CNTN4: variants seen among roughly 807,000 people sequenced by gnomAD.
CNTN4 encodes contactin 4, also known as contactin-4.
A neutral mutation model predicts 122.5 loss-of-function variants in CNTN4; 77 were observed. That is an observed-to-expected ratio of 0.63 (90% confidence interval 0.52 to 0.76). The LOEUF is 0.76. Among genes scored for constraint, CNTN4 ranks in the 30% least tolerant of loss-of-function variants. The pLI is 0.00. For missense variants in CNTN4, 1,256 were observed against 1,259.1 expected, an observed-to-expected ratio of 1.00 and a Z score of 0.04; for synonymous variants, 512 against 447.0, an observed-to-expected ratio of 1.15 and a Z score of -1.83.
At position 2,989,427 on chromosome 3, in the gene CNTN4, A is replaced by G. The variant is rs140753673; in HGVS notation, c.1486+955A>G. On this transcript the variant is annotated intron_variant, in intron 14 of 24. Transcript: ENST00000418658. Reference sequence around the variant, plus strand: ...ATATCATATTATTTCCTTCTTGCCCATTTGTAGTTCCCTTGGTGAAGACAG... The same window carrying G: ...ATATCATATTATTTCCTTCTTGCCCGTTTGTAGTTCCCTTGGTGAAGACAG... Among the ~76,000 whole-genome samples the G allele has an allele frequency of 7.0e-4, 106 of 152,250 alleles. 1 individual carries two copies. The East Asian group carries it at 0.019, about 28-fold the overall frequency.
intron 4 of CNTN4, among the ~76,000 whole-genome samples, chr3:2,652,439 C>G (rs960858936): frequency 1.3e-5 from 2 of 152,154 alleles, no homozygotes; most frequent in African/African-American, 4.8e-5. Flanking sequence ...ACCTCTCTCC[C>G]AAAATACAGT....
intron 2 of CNTN4, among the ~76,000 whole-genome samples, chr3:2,111,562 G>T (rs2032958338): frequency 6.6e-6 from 1 of 152,068 alleles, no homozygotes; most frequent in Admixed American, 6.5e-5. Flanking sequence ...GTGATGTATA[G>T]GAAAGGCTGG....
intron 4 of CNTN4, among the ~76,000 whole-genome samples, chr3:2,645,430 C>T (rs981543914): frequency 6.6e-6 from 1 of 152,124 alleles, no homozygotes; most frequent in African/African-American, 2.4e-5. Context: ...TTAAGACAAT[C>T]AATTTACATA....
chr3:2,989,026 C>CT (rs896713393), intron 14 of CNTN4: 1 of 154,736 alleles, frequency 6.5e-6, no homozygotes, highest in Non-Finnish European at 1.4e-5. Flanking sequence ...ATACCATAGC[C>CT]TGGGTGCTTT....
rs148616168 is a variant in CNTN4, at chr3:2,664,503, C to A, written c.56-71712C>A. Among the ~76,000 whole-genome samples the A allele has an allele frequency of 6.8e-3, 1,040 of 152,162 alleles. 17 individuals are homozygous for A. The highest frequency in any genetic ancestry group is 0.024 in the African/African-American group (976 of 41,512). On this transcript the variant is annotated intron_variant, in intron 4 of 24. Transcript: ENST00000418658. Reference sequence around the variant, plus strand: ...TGGAGAAGTTTTATATAGTAAATTTCTTTCAATATCAAAATTATCTTGAAG... The same window carrying A: ...TGGAGAAGTTTTATATAGTAAATTTATTTCAATATCAAAATTATCTTGAAG...
At chr3:2,981,458 G>A (rs1457948110) in intron 13 of CNTN4, among the ~76,000 whole-genome samples, 2 of 151,560 alleles carry the variant, frequency 1.3e-5, no homozygotes, top group Non-Finnish European at 2.9e-5. Context: ...AACAAAAAAA[G>A]GAAAACCTTA....
At chr3:2,878,017 T>G (rs1231722211) in intron 8 of CNTN4, among the ~76,000 whole-genome samples, 1 of 152,218 alleles carries the variant, frequency 6.6e-6, no homozygotes, top group Non-Finnish European at 1.5e-5. Flanking sequence ...AAATTGCTTC[T>G]CTTGTTTTTA....
chr3:2,114,509 C>T (rs184133903), intron 2 of CNTN4, among the ~76,000 whole-genome samples: 1 of 152,042 alleles, frequency 6.6e-6, no homozygotes, highest in East Asian at 1.9e-4. Context: ...TGTACAATGG[C>T]CATGGGCTTA....
chr3:2,736,267 G>A lies in CNTN4; in HGVS notation c.108G>A (p.Met36Ile), dbSNP rs767486743. ...PIFIQEPSPV[M>I]FPLDSEEKKV... ...TTATTCAAGAACCAAGTCCTGTAAT[G>A]TTCCCTTTGGATTCTGAGGAGAAAA... The change falls in exon 5 of 25, where the codon ATG (methionine) becomes ATA (isoleucine). Residue 36 changes from methionine to isoleucine, a missense_variant. By Grantham distance (10) the Met-to-Ile change is conservative. Transcript: ENST00000418658. 5 of 1,613,394 alleles carry A rather than the reference G, an allele frequency of 3.1e-6. No individual in the cohort carries two copies. The African/African-American group carries it at 4.0e-5, about 13-fold the overall frequency.
chr3:2,653,831 C>T lies in CNTN4; in HGVS notation c.55+82273C>T, dbSNP rs182115018. On this transcript the variant is annotated intron_variant, in intron 4 of 24. Transcript: ENST00000418658. ...TCTAATTGTTTTGCAGCTTTCTCTT[C>T]TGTTAGGATCAAGTGACCAGTTCGT... 4.2e-4 allele frequency among the ~76,000 whole-genome samples: 64 copies of T among 152,276 alleles called. No homozygotes were observed. The East Asian group carries it at 8.3e-3, about 20-fold the overall frequency.
chr3:2,794,456 C>G (rs757263827), intron 6 of CNTN4, among the ~76,000 whole-genome samples: 37 of 152,086 alleles, frequency 2.4e-4, no homozygotes, highest in Non-Finnish European at 3.8e-4. Context: ...ATAATAAATC[C>G]CTTTTTTTGT....
intron 4 of CNTN4, among the ~76,000 whole-genome samples, chr3:2,733,889 C>A (rs73113347): frequency 2.2e-4 from 34 of 152,054 alleles, no homozygotes; most frequent in Middle Eastern, 3.4e-3. Flanking sequence ...TAAATCTTCT[C>A]TTTTTTGGTT....
chr3:2,330,026 C>T (rs1455480214), intron 2 of CNTN4, among the ~76,000 whole-genome samples: 4 of 152,028 alleles, frequency 2.6e-5, no homozygotes, highest in East Asian at 3.9e-4. Context: ...CACGTGAATG[C>T]CCCCTACTTC....
At chr3:2,729,862 A>G (rs1054347691) in intron 4 of CNTN4, among the ~76,000 whole-genome samples, 50 of 152,102 alleles carry the variant, frequency 3.3e-4, no homozygotes, top group African/African-American at 1.1e-3. Context: ...TGCAGTGAGC[A>G]GAGATCAAGC....
chr3:2,724,251 G>A (rs2088056982), intron 4 of CNTN4, among the ~76,000 whole-genome samples: 1 of 152,106 alleles, frequency 6.6e-6, no homozygotes, highest in African/African-American at 2.4e-5. Flanking sequence ...ACATATGTCT[G>A]GTTTGGATTT....
At chr3:2,525,632 GTT>G (rs1339172732) in intron 3 of CNTN4, among the ~76,000 whole-genome samples, 2 of 152,056 alleles carry the variant, frequency 1.3e-5, no homozygotes, top group African/African-American at 4.8e-5. Flanking sequence ...TGTCACTACA[GTT>G]TTCTTTCATT....
At chr3:2,300,337 A>G (rs895879769) in intron 2 of CNTN4, among the ~76,000 whole-genome samples, 3 of 152,070 alleles carry the variant, frequency 2.0e-5, no homozygotes, top group African/African-American at 7.2e-5. Flanking sequence ...TTCAGGGTAG[A>G]TTTGTATGTG....
intron 3 of CNTN4, among the ~76,000 whole-genome samples, chr3:2,534,995 C>G (rs1001266657): frequency 6.6e-6 from 1 of 152,024 alleles, no homozygotes; most frequent in Non-Finnish European, 1.5e-5. Context: ...AAGGTCAAAG[C>G]CTTGCTTCAG....
At position 2,113,378 on chromosome 3, in the gene CNTN4, C is replaced by T. The variant is rs1019994844; in HGVS notation, c.-145+12739C>T. 9.2e-5 allele frequency among the ~76,000 whole-genome samples: 14 copies of T among 152,062 alleles called. No homozygotes were observed. The East Asian group carries it at 2.7e-3, about 29-fold the overall frequency. On this transcript the variant is annotated intron_variant, in intron 2 of 24. Transcript: ENST00000418658. Reference sequence around the variant, plus strand: ...GAGTATCATTTATATAGAAATTTGCCCATGGCCGTGTTGTAATTGTAGCCC... The same window carrying T: ...GAGTATCATTTATATAGAAATTTGCTCATGGCCGTGTTGTAATTGTAGCCC...
Sources: allele counts gnomAD v4.1 joint callset (sites outside exome capture counted in the v4.1 genomes callset), GRCh38; gene constraint gnomAD v4.1.1; transcripts MANE v1.5; gene names NCBI Gene and HGNC (gene_info 2026-07-23, HGNC 2026-07-21).